The following UBAP2 variants were observed in gnomAD, a reference collection of about 807,000 sequenced individuals.
The protein encoded by UBAP2 is ubiquitin associated protein 2, also known as ubiquitin-associated protein 2.
A neutral mutation model predicts 139.6 loss-of-function variants in UBAP2; 75 were observed. That is an observed-to-expected ratio of 0.54 (90% CI 0.45 to 0.65). The LOEUF (loss-of-function observed/expected upper bound fraction) is 0.65. Ranked by LOEUF, UBAP2 falls within the 30% of genes least tolerant of loss-of-function variation. The probability of loss-of-function intolerance (pLI) is 0.00; values close to 1 mark genes in which losing one functional copy is unlikely to be tolerated. For synonymous variants in UBAP2, 526 were observed against 526.2 expected (o/e 1.00, Z 0.01); for missense variants, 1,368 against 1,369.6 (o/e 1.00, Z 0.02).
At chr9:34,022,478 C>T (rs1178486632) in intron 1 of UBAP2, among the ~76,000 whole-genome samples, 1 of 143,424 alleles carries the variant, frequency 7.0e-6, no homozygotes, top group African/African-American at 2.6e-5. Flanking sequence ...GGCTTTGTTG[C>T]CCAGGCTGGA....
chr9:34,037,172 T>C (rs1253696768), intron 1 of UBAP2, among the ~76,000 whole-genome samples: 1 of 152,062 alleles, frequency 6.6e-6, no homozygotes, highest in East Asian at 1.9e-4. Context: ...GTATTTTTAA[T>C]AGAGACGGGG....
In UBAP2 at chr9:33,948,455, T is replaced by C. The variant is rs898316635; in HGVS notation, c.1189A>G (p.Asn397Asp). Residue 397 changes from asparagine (N) to aspartate (D), a missense_variant, in exon 13 of 29, where the codon AAT becomes GAT. Coordinates refer to ENST00000379238, the MANE Select transcript of UBAP2 (RefSeq NM_001370062.2). Reference protein sequence around the residue: ...QFTTTPSTQQNSTSHPTTTTS... With the variant: ...QFTTTPSTQQDSTSHPTTTTS... Reference sequence around the variant, plus strand: ...GTAGTTGTAGGGTGACTTGTACTATTCTGCTGTGTACTTGGGGTGGTGGTA... The same window carrying C: ...GTAGTTGTAGGGTGACTTGTACTATCCTGCTGTGTACTTGGGGTGGTGGTA... The C allele has an allele frequency of 1.9e-6, 3 of 1,614,054 alleles. No homozygotes were observed. In the African/African-American group the frequency reaches 4.0e-5, roughly 22 times the overall value.
intron 1 of UBAP2, among the ~76,000 whole-genome samples, chr9:34,030,226 A>C (rs1231316371): frequency 6.6e-6 from 1 of 151,854 alleles, no homozygotes; most frequent in African/African-American, 2.4e-5. Flanking sequence ...CGGGCAGATC[A>C]CGGGGTCAGG....
chr9:34,046,060 A>T (rs1371802585), intron 1 of UBAP2, among the ~76,000 whole-genome samples: 1 of 151,816 alleles, frequency 6.6e-6, no homozygotes, highest in Non-Finnish European at 1.5e-5. Flanking sequence ...AACAACTAAG[A>T]GCTCCATTTA....
At chr9:34,008,472 A>G (rs1823435247) in intron 2 of UBAP2, among the ~76,000 whole-genome samples, 1 of 152,080 alleles carries the variant, frequency 6.6e-6, no homozygotes, top group Non-Finnish European at 1.5e-5. Flanking sequence ...AGCTGGGTGC[A>G]GTAGCTCAGG....
intron 12 of UBAP2, chr9:33,948,854 A>G: frequency 2.6e-6 from 1 of 382,594 alleles, no homozygotes; most frequent in Admixed American, 3.9e-5. Context: ...ATCAATTTTT[A>G]AAAACGTGAT....
At chr9:33,979,848 C>T (rs537969058) in intron 6 of UBAP2, among the ~76,000 whole-genome samples, 1 of 151,044 alleles carries the variant, frequency 6.6e-6, no homozygotes, top group Non-Finnish European at 1.5e-5. Context: ...AGCCTGGAGA[C>T]AGAGTGAGAC....
At chr9:33,953,565 C>A in intron 11 of UBAP2, 91 bp from the exon 12 acceptor site, 1 of 1,297,810 alleles carries the variant, frequency 7.7e-7, no homozygotes, top group Non-Finnish European at 1.0e-6. Context: ...AGTGAATTTA[C>A]ATTAAAAATC....
At chr9:34,027,717 C>CG (rs1239341443) in intron 1 of UBAP2, among the ~76,000 whole-genome samples, 19 of 151,628 alleles carry the variant, frequency 1.3e-4, no homozygotes, top group African/African-American at 4.1e-4. Context: ...AAAAATTAGC[C>CG]GGGGGTGGTG....
intron 1 of UBAP2, among the ~76,000 whole-genome samples, chr9:34,029,986 C>CA (rs1281740269): frequency 1.6e-5 from 2 of 125,548 alleles, no homozygotes; most frequent in African/African-American, 6.1e-5. Context: ...GACTCCATCT[C>CA]GAAAAAAAAA....
chr9:33,969,918 ATTCTT>A (rs1487916422), intron 8 of UBAP2, among the ~76,000 whole-genome samples: 6 of 125,852 alleles, frequency 4.8e-5, no homozygotes, highest in Non-Finnish European at 8.0e-5. Flanking sequence ...ACCGTGTATA[ATTCTT>A]TTTTTTTTTT....
chr9:33,978,927 C>A (rs187839889), intron 6 of UBAP2, among the ~76,000 whole-genome samples: 11 of 152,306 alleles, frequency 7.2e-5, no homozygotes, highest in Admixed American at 7.2e-4. Flanking sequence ...AGGAAACCAA[C>A]CCCTGTAACT....
chr9:33,940,588 G>C (rs1026557137), intron 16 of UBAP2, among the ~76,000 whole-genome samples: 4 of 152,176 alleles, frequency 2.6e-5, no homozygotes, highest in South Asian at 4.1e-4. Flanking sequence ...AGATCAGACT[G>C]GGCAACATGG....
At chr9:34,011,184 G>C (rs1313429228) in intron 2 of UBAP2, among the ~76,000 whole-genome samples, 1 of 152,106 alleles carries the variant, frequency 6.6e-6, no homozygotes, top group Non-Finnish European at 1.5e-5. Context: ...GCTGTAGGGG[G>C]CAGTCTGGGG....
intron 22 of UBAP2, 117 bp downstream of exon 22, chr9:33,926,500 G>A: frequency 8.9e-7 from 1 of 1,125,866 alleles, no homozygotes; most frequent in Non-Finnish European, 1.4e-6. Flanking sequence ...GTGGTGCTGA[G>A]AGGTTCCTCA....
chr9:33,947,926 C>T (rs2130950645), intron 13 of UBAP2, among the ~76,000 whole-genome samples: 1 of 147,402 alleles, frequency 6.8e-6, no homozygotes, highest in African/African-American at 2.5e-5. Flanking sequence ...GATTAAAAGA[C>T]TGCTTGAGGC....
chr9:33,922,685 AC>A lies in UBAP2; in HGVS notation c.3264+1del. 6.4e-7 allele frequency: 1 copy of A among 1,555,344 alleles called. No homozygotes were observed. The highest frequency in any genetic ancestry group is 8.7e-7 in the Non-Finnish European group (1 of 1,151,534). ...GGTGGCTGCCTCCATCACTGTACTC[AC>A]CTGTGCATCCTGCGGAAGGTGGTGG... On this transcript the variant is annotated splice_donor_variant, in intron 28 of 28. Coordinates refer to ENST00000379238, the MANE Select transcript of UBAP2 (RefSeq NM_001370062.2). LOFTEE classifies it high-confidence loss of function.
chr9:34,001,523 T>C (rs566294862), intron 2 of UBAP2, among the ~76,000 whole-genome samples: 3 of 152,326 alleles, frequency 2.0e-5, no homozygotes, highest in East Asian at 1.9e-4. Context: ...GGTTACAGCA[T>C]GTCATTGTGG....
At chr9:33,981,341 C>T (rs1820742687) in intron 6 of UBAP2, among the ~76,000 whole-genome samples, 2 of 139,560 alleles carry the variant, frequency 1.4e-5, no homozygotes, top group African/African-American at 5.3e-5. Context: ...AAATAAAAGA[C>T]GGGGAAAGAT....
Sources: allele counts gnomAD v4.1 joint callset (sites outside exome capture counted in the v4.1 genomes callset), GRCh38; gene constraint gnomAD v4.1.1; transcripts MANE v1.5; gene names NCBI Gene and HGNC (gene_info 2026-07-23, HGNC 2026-07-21).